CRY1: variants seen among roughly 807,000 people sequenced by gnomAD.
The protein encoded by CRY1 is cryptochrome-1.
In CRY1, 45 loss-of-function variants were observed where a neutral mutation model predicts 76.0. That is an observed-to-expected ratio of 0.59 (90% CI 0.47 to 0.76). CRY1 has a LOEUF of 0.76. Ranked by LOEUF, CRY1 falls within the 30% of genes least tolerant of loss-of-function variation. CRY1 has a pLI of 0.00. For synonymous variants in CRY1, 248 were observed against 244.0 expected, an observed-to-expected ratio of 1.02 and a Z score of -0.15; for missense variants, 587 against 716.4, an observed-to-expected ratio of 0.82 and a Z score of 2.06.
At chr12:107,089,399 T>C (rs1224064685) in intron 1 of CRY1, among the ~76,000 whole-genome samples, 1 of 152,028 alleles carries the variant, frequency 6.6e-6, no homozygotes, top group Non-Finnish European at 1.5e-5. Flanking sequence ...CAGTAGCCCA[T>C]TCATAGCTCA....
intron 2 of CRY1, among the ~76,000 whole-genome samples, chr12:107,018,528 A>G (rs6539298): frequency 0.13 from 19,197 of 152,202 alleles, 2,067 homozygotes; most frequent in African/African-American, 0.28. Context: ...CAAATGTTGC[A>G]GTGAGCCAAG....
intron 1 of CRY1, among the ~76,000 whole-genome samples, chr12:107,082,086 TAAA>T (rs1372850557): frequency 7.9e-5 from 12 of 151,490 alleles, no homozygotes; most frequent in African/African-American, 2.7e-4. Context: ...CCAAAAAAGA[TAAA>T]AAAAGACAAA....
intron 2 of CRY1, among the ~76,000 whole-genome samples, chr12:107,017,701 C>A (rs1243763707): frequency 6.6e-6 from 1 of 152,210 alleles, no homozygotes; most frequent in Non-Finnish European, 1.5e-5. Context: ...TGGTTAAAAA[C>A]AAGTTGTAAG....
chr12:107,009,679 T>A (rs1372053266), intron 2 of CRY1, among the ~76,000 whole-genome samples: 1 of 147,238 alleles, frequency 6.8e-6, no homozygotes, highest in African/African-American at 2.5e-5. Flanking sequence ...GAAGTCAACA[T>A]GGGAGGATGG....
intron 2 of CRY1, among the ~76,000 whole-genome samples, chr12:107,020,561 G>A (rs560799486): frequency 6.6e-6 from 1 of 151,354 alleles, no homozygotes; most frequent in South Asian, 2.1e-4. Context: ...TTAAAGTGTG[G>A]CACCTCCCCG....
Position 107,093,171 on chromosome 12 carries a change from T to C in CRY1, c.-210A>G. On this transcript the variant is annotated 5_prime_UTR_variant, in exon 1 of 13. Transcript: ENST00000008527. The stretch of plus-strand genomic sequence containing the variant: ...GGAAAGATGAATGGAGGTTGCCTAG[T>C]CGGCGGAGTCCGGGTGTGACGCCCT... 1.8e-6 allele frequency: 1 copy of C among 549,720 alleles called. No individual in the cohort carries two copies. The highest frequency in any genetic ancestry group is 3.0e-6 in the Non-Finnish European group (1 of 331,602). The allele number at this position is 549,720 out of a possible 1,614,324, so 34.1% of individuals were successfully genotyped here.
intron 1 of CRY1, among the ~76,000 whole-genome samples, chr12:107,043,955 A>G (rs1952825264): frequency 6.6e-6 from 1 of 152,124 alleles, no homozygotes; most frequent in Non-Finnish European, 1.5e-5. Flanking sequence ...TACTCCATGG[A>G]GTCAGGCCAG....
chr12:107,078,962 A>G (rs1180395241), intron 1 of CRY1, among the ~76,000 whole-genome samples: 1 of 151,918 alleles, frequency 6.6e-6, no homozygotes, highest in East Asian at 1.9e-4. Flanking sequence ...ATTATCTTTC[A>G]CTTGAACTGT....
chr12:107,026,298 C>T (rs531222437), intron 1 of CRY1, among the ~76,000 whole-genome samples: 28 of 150,884 alleles, frequency 1.9e-4, no homozygotes, highest in African/African-American at 6.6e-4. Flanking sequence ...GTGGCACGAT[C>T]TCAGCTCACT....
At chr12:107,089,124 A>G (rs1446706575) in intron 1 of CRY1, among the ~76,000 whole-genome samples, 1 of 152,108 alleles carries the variant, frequency 6.6e-6, no homozygotes, top group Non-Finnish European at 1.5e-5. Context: ...GATATACCAT[A>G]TTTTGTTTAC....
chr12:107,002,232 A>G (rs1952320399), intron 3 of CRY1, among the ~76,000 whole-genome samples: 1 of 152,194 alleles, frequency 6.6e-6, no homozygotes, highest in Non-Finnish European at 1.5e-5. Flanking sequence ...TTATGAGAGG[A>G]AAAAACAAGT....
In CRY1 at chr12:107,005,168, C is replaced by T; in HGVS notation, c.348G>A (p.Leu116=). 6.2e-7 allele frequency: 1 copy of T among 1,613,460 alleles called. No homozygotes were observed. Among genetic ancestry groups the T allele is most frequent in the Non-Finnish European group, 8.5e-7 (1 of 1,179,854 alleles). ...GKERDAAIKK[L]ATEAGVEVIV... Reference sequence around the variant, plus strand: ...TGACTTCTACTCCAGCTTCAGTTGCCAGTTTCTTAATAGCTGCGTCTCGTT... The same window carrying T: ...TGACTTCTACTCCAGCTTCAGTTGCTAGTTTCTTAATAGCTGCGTCTCGTT... Residue 116 remains leucine (L), a synonymous_variant, in exon 3 of 13, where the codon CTG becomes CTA. Coordinates refer to ENST00000008527, the MANE Select transcript of CRY1 (RefSeq NM_004075.5).
chr12:107,056,327 G>T (rs1226891540), intron 1 of CRY1, among the ~76,000 whole-genome samples: 1 of 152,182 alleles, frequency 6.6e-6, no homozygotes, highest in Non-Finnish European at 1.5e-5. Flanking sequence ...AAAAAGTAAA[G>T]AATTTATAGG....
chr12:107,005,701 C>G (rs1952365524), intron 2 of CRY1, among the ~76,000 whole-genome samples: 1 of 152,132 alleles, frequency 6.6e-6, no homozygotes, highest in Non-Finnish European at 1.5e-5. Context: ...AGTCTAAGAA[C>G]TGGTCTTTAA....
At chr12:106,998,867 A>G (rs7308287) in intron 7 of CRY1, among the ~76,000 whole-genome samples, 71,195 of 151,558 alleles carry the variant, frequency 0.47, 18,697 homozygotes, top group East Asian at 0.72. Context: ...ATATGGTAAA[A>G]CCCTCTCTCT....
chr12:107,066,456 GTTTT>G (rs746182604), intron 1 of CRY1, among the ~76,000 whole-genome samples: 119 of 151,166 alleles, frequency 7.9e-4, no homozygotes, highest in Admixed American at 9.9e-4. Context: ...ATTAAGTTTT[GTTTT>G]TTGTTTTTTT....
chr12:107,032,030 G>A (rs1446485845), intron 1 of CRY1, among the ~76,000 whole-genome samples: 1 of 152,184 alleles, frequency 6.6e-6, no homozygotes, highest in Non-Finnish European at 1.5e-5. Flanking sequence ...CACCTCCCGG[G>A]TTCAAGCGAT....
chr12:107,056,960 T>C (rs1445066349), intron 1 of CRY1, among the ~76,000 whole-genome samples: 1 of 152,074 alleles, frequency 6.6e-6, no homozygotes, highest in Non-Finnish European at 1.5e-5. Context: ...ATAAAAGAGT[T>C]TGTCTCCAAA....
chr12:107,011,360 CAA>C (rs57985768), intron 2 of CRY1, among the ~76,000 whole-genome samples: 27 of 144,072 alleles, frequency 1.9e-4, no homozygotes, highest in Admixed American at 6.2e-4. Flanking sequence ...AAAAAACAAA[CAA>C]AAAAAAAAAA....
Sources: gnomAD v4.1 joint callset for allele counts (sites outside exome capture counted in the v4.1 genomes callset) on GRCh38, gnomAD v4.1.1 for gene constraint, MANE v1.5 for transcripts, NCBI Gene and HGNC (gene_info 2026-07-23, HGNC 2026-07-21) for gene names.